Variants in RPL19 observed in about 807,000 individuals in gnomAD.
The protein encoded by RPL19 is large ribosomal subunit protein eL19.
RPL19 carries 2 observed loss-of-function variants against 25.1 expected under a neutral mutation model. The observed-to-expected ratio is 0.08, with a 90% confidence interval of 0.03 to 0.25. The LOEUF (loss-of-function observed/expected upper bound fraction) is 0.25, where lower values mean the gene tolerates loss of function less well. Ranked by LOEUF, RPL19 falls within the 10% of genes least tolerant of loss-of-function variation. The pLI is 1.00. For synonymous variants in RPL19, 89 were observed against 91.2 expected (o/e 0.98, Z 0.14); for missense variants, 123 against 271.8 (o/e 0.45, Z 3.85).
intron 3 of RPL19, chr17:39,202,674 A>G: frequency 1.6e-6 from 1 of 610,326 alleles, no homozygotes; most frequent in South Asian, 2.0e-5. Flanking sequence ...AGGATTCTGT[A>G]CTTTCTAGTT....
intron 1 of RPL19, 155 bp downstream of exon 1, chr17:39,200,504 G>C: frequency 7.7e-7 from 1 of 1,295,542 alleles, no homozygotes. Flanking sequence ...TTCGTCCCGG[G>C]CCTCCGGAGT....
intron 2 of RPL19, 103 bp downstream of exon 2, chr17:39,201,422 G>A: frequency 2.9e-6 from 2 of 688,630 alleles, no homozygotes; most frequent in South Asian, 3.6e-5. Context: ...TTTTTAGACA[G>A]TCTTGCTCTG....
rs747467786 is a variant in RPL19, at chr17:39,204,703, T to C, written c.*55T>C. The C allele has an allele frequency of 7.7e-6, 12 of 1,566,476 alleles. No individual in the cohort carries two copies. Among genetic ancestry groups the C allele is most frequent in the Non-Finnish European group, 1.0e-5 (12 of 1,146,998 alleles). ...CTCTGTGATTACATAGATCAGCCAT[T>C]AAAATAAAACAAGCCTTAATCTGCC... On this transcript the variant is annotated 3_prime_UTR_variant, in exon 6 of 6. Transcript: ENST00000225430.
chr17:39,204,310 G>A (rs2046309986), intron 5 of RPL19, 123 bp downstream of exon 5: 1 of 829,162 alleles, frequency 1.2e-6, no homozygotes, highest in Non-Finnish European at 2.0e-6. Flanking sequence ...GAATACAGCT[G>A]TTCCCTTAGA....
chr17:39,204,173 C>T lies in RPL19; in HGVS notation c.453C>T (p.Arg151=). ...HIHKLKADKA[R]KKLLADQAEA... Reference sequence around the variant, plus strand: ...ACAAGCTGAAGGCAGACAAGGCCCGCAAGAAGCTCCTGGCGTAAGTTTCTT... The same window carrying T: ...ACAAGCTGAAGGCAGACAAGGCCCGTAAGAAGCTCCTGGCGTAAGTTTCTT... The change falls in exon 5 of 6, where the codon CGC becomes CGT. Residue 151 remains arginine (R), a synonymous_variant. Transcript: ENST00000225430. 2 of 1,605,972 alleles carry T rather than the reference C, an allele frequency of 1.2e-6. No individual in the cohort carries two copies. The highest frequency in any genetic ancestry group is 2.2e-5 in the South Asian group (2 of 90,934).
At position 39,204,690 on chromosome 17, in the gene RPL19, A is replaced by G. The variant is rs2046312829; in HGVS notation, c.*42A>G. On this transcript the variant is annotated 3_prime_UTR_variant, in exon 6 of 6. Coordinates refer to ENST00000225430, the MANE Select transcript of RPL19 (RefSeq NM_000981.4). The stretch of plus-strand genomic sequence containing the variant: ...TGTACATACTGGCCTCTGTGATTAC[A>G]TAGATCAGCCATTAAAATAAAACAA... 2 of 1,589,548 alleles carry G rather than the reference A, an allele frequency of 1.3e-6. No individual in the cohort carries two copies. The highest frequency in any genetic ancestry group is 1.4e-5 in the African/African-American group (1 of 74,046).
rs1045142778 is a variant in RPL19, at chr17:39,200,283, G to C, written c.-62G>C. The C allele has an allele frequency of 4.1e-6, 6 of 1,469,614 alleles. No homozygotes were observed. Among genetic ancestry groups the C allele is most frequent in the Non-Finnish European group, 4.5e-6 (5 of 1,102,280 alleles). The allele number at this position is 1,469,614 out of a possible 1,614,324, so 91.0% of individuals were successfully genotyped here. On this transcript the variant is annotated 5_prime_UTR_variant, in exon 1 of 6. Coordinates refer to ENST00000225430, the MANE Select transcript of RPL19 (RefSeq NM_000981.4). ...GAGCAGGGTTTGGGCTCTCCCCTTCGCAGATAATGGGAGGAGCCGGGCCCG... is the reference window on the plus strand; with the variant it reads ...GAGCAGGGTTTGGGCTCTCCCCTTCCCAGATAATGGGAGGAGCCGGGCCCG...
At chr17:39,203,154 G>C (rs1362506093) in intron 4 of RPL19, 45 bp downstream of exon 4, 37 of 1,332,072 alleles carry the variant, frequency 2.8e-5, no homozygotes, top group Non-Finnish European at 3.7e-5. Context: ...CTGCTTTGAT[G>C]GCTAGTTCAT....
Position 39,204,148 on chromosome 17 carries a change from A to G in RPL19, c.428A>G (p.His143Arg). 1 of 1,613,518 alleles carries G rather than the reference A, an allele frequency of 6.2e-7. No homozygotes were observed. Among genetic ancestry groups the G allele is most frequent in the Non-Finnish European group, 8.5e-7 (1 of 1,179,492 alleles). The change falls in exon 5 of 6, where the codon CAC becomes CGC. Residue 143 changes from histidine (H) to arginine (R), a missense_variant. Transcript: ENST00000225430. Reference sequence around the variant, plus strand: ...AAGCGGATTCTCATGGAACACATCCACAAGCTGAAGGCAGACAAGGCCCGC... The same window carrying G: ...AAGCGGATTCTCATGGAACACATCCGCAAGCTGAAGGCAGACAAGGCCCGC... ...KNKRILMEHI[H>R]KLKADKARKK...
chr17:39,201,363 C>A, intron 2 of RPL19, 44 bp downstream of exon 2: 2 of 1,122,186 alleles, frequency 1.8e-6, no homozygotes, highest in East Asian at 2.4e-5. Flanking sequence ...TCCTTCTTTT[C>A]TCCTGCGTCA....
At chr17:39,204,022 A>G in intron 4 of RPL19, 55 bp from the exon 5 acceptor site, 1 of 962,204 alleles carries the variant, frequency 1.0e-6, no homozygotes, top group African/African-American at 1.6e-5. Context: ...ACAGCTCACA[A>G]GGCAGCCTCT....
chr17:39,202,943 C>CAGTGGGCCTGGGT, intron 3 of RPL19, 46 bp from the exon 4 acceptor site: 1 of 1,610,602 alleles, frequency 6.2e-7, no homozygotes, highest in Non-Finnish European at 8.5e-7. Flanking sequence ...TACTTATACA[C>CAGTGGGCCTGGGT]AGTGGGCCTG....
chr17:39,203,229 T>C, intron 4 of RPL19, 120 bp downstream of exon 4: 2 of 1,029,466 alleles, frequency 1.9e-6, no homozygotes, highest in Non-Finnish European at 2.8e-6. Context: ...TCACCCAGGC[T>C]GGAGTGCAGT....
In RPL19 at chr17:39,204,107, G is replaced by A; in HGVS notation, c.387G>A (p.Gly129=). The change falls in exon 5 of 6, where the codon GGG becomes GGA. Residue 129 remains glycine (G), a synonymous_variant. Coordinates refer to ENST00000225430, the MANE Select transcript of RPL19 (RefSeq NM_000981.4). ...MYHSLYLKVK[G]NVFKNKRILM... Reference sequence around the variant, plus strand: ...ACAGCCTGTACCTGAAGGTGAAGGGGAATGTGTTCAAAAACAAGCGGATTC... The same window carrying A: ...ACAGCCTGTACCTGAAGGTGAAGGGAAATGTGTTCAAAAACAAGCGGATTC... The A allele has an allele frequency of 1.2e-6, 2 of 1,612,548 alleles. No homozygotes were observed. The highest frequency in any genetic ancestry group is 1.7e-6 in the Non-Finnish European group (2 of 1,178,656).
chr17:39,200,315 C>T lies in RPL19; in HGVS notation c.-30C>T, dbSNP rs1190065449. ...ATGGGAGGAGCCGGGCCCGAGCGAG[C>T]TCTTTCCTTTCGCTGCTGCGGCCGC... On this transcript the variant is annotated 5_prime_UTR_variant, in exon 1 of 6. Transcript: ENST00000225430. 2 of 1,545,840 alleles carry T rather than the reference C, an allele frequency of 1.3e-6. No homozygotes were observed. Among genetic ancestry groups the T allele is most frequent in the African/African-American group, 1.4e-5 (1 of 73,030 alleles).
At chr17:39,200,725 C>G in intron 1 of RPL19, 1 of 1,064,690 alleles carries the variant, frequency 9.4e-7, no homozygotes, top group Non-Finnish European at 1.1e-6. Context: ...AGGCCCCAGG[C>G]CTCCGACTGC....
intron 4 of RPL19, 65 bp downstream of exon 4, chr17:39,203,174 A>AGTTTT (rs2046302465): frequency 3.4e-6 from 2 of 596,134 alleles, no homozygotes; most frequent in Non-Finnish European, 2.4e-6. Context: ...TTTCCCAGAG[A>AGTTTT]TTTTTTTTTT....
chr17:39,201,182 C>A, intron 1 of RPL19, 31 bp from the exon 2 acceptor site: 1 of 1,475,062 alleles, frequency 6.8e-7, no homozygotes, highest in Non-Finnish European at 9.4e-7. Flanking sequence ...GATTGGCTTT[C>A]AGAGTCTAAT....
intron 2 of RPL19, among the ~76,000 whole-genome samples, chr17:39,201,928 G>A (rs1226578583): frequency 6.6e-6 from 1 of 152,046 alleles, no homozygotes; most frequent in Non-Finnish European, 1.5e-5. Flanking sequence ...TAAAATGGAG[G>A]AGTCATTGTA....
Sources: allele counts gnomAD v4.1 joint callset (sites outside exome capture counted in the v4.1 genomes callset), GRCh38; gene constraint gnomAD v4.1.1; transcripts MANE v1.5; gene names NCBI Gene and HGNC (gene_info 2026-07-23, HGNC 2026-07-21).